LNX1: variants seen among roughly 807,000 people sequenced by gnomAD.
LNX1 encodes E3 ubiquitin-protein ligase LNX.
LNX1 carries 54 observed loss-of-function variants against 68.4 expected under a neutral mutation model. That is an observed-to-expected ratio of 0.79 (90% CI 0.63 to 0.99). LNX1 has a LOEUF of 0.99. Ranked by LOEUF, LNX1 falls within the 50% of genes least tolerant of loss-of-function variation. The probability of loss-of-function intolerance (pLI) is 0.00; values close to 1 mark genes in which losing one functional copy is unlikely to be tolerated. For synonymous variants in LNX1, 336 were observed against 350.0 expected (o/e 0.96, Z 0.45); for missense variants, 906 against 926.4 (o/e 0.98, Z 0.29).
At position 53,498,653 on chromosome 4, in the gene LNX1, G is replaced by A; in HGVS notation, c.966C>T (p.Asp322=). 2 of 1,613,668 alleles carry A rather than the reference G, an allele frequency of 1.2e-6. No individual in the cohort carries two copies. The highest frequency in any genetic ancestry group is 3.3e-4 in the Middle Eastern group (2 of 6,060). The part of the protein sequence containing the change: ...IARDGRLLPG[D]IILKVNGMDI... ...CCACAGTCTCTACCTTTAGAATGAT[G>A]TCTCCTGGCAGTAGCCGGCCGTCTC... The change falls in exon 5 of 11, where the codon GAC becomes GAT. Residue 322 remains aspartate (D), a synonymous_variant. Transcript: ENST00000263925.
intron 1 of LNX1, among the ~76,000 whole-genome samples, chr4:53,582,280 A>C (rs534826043): frequency 6.6e-6 from 1 of 152,314 alleles, no homozygotes; most frequent in South Asian, 2.1e-4. Flanking sequence ...GCTTCAGCTG[A>C]TTGTTACACT....
At chr4:53,514,548 C>T (rs1726605205) in intron 2 of LNX1, among the ~76,000 whole-genome samples, 1 of 152,134 alleles carries the variant, frequency 6.6e-6, no homozygotes, top group South Asian at 2.1e-4. Context: ...TTATTCACTA[C>T]CATGAGAACA....
Position 53,591,458 on chromosome 4 carries a change from C to T in LNX1, c.-157G>A. 1.0e-6 allele frequency: 1 copy of T among 985,690 alleles called. No individual in the cohort carries two copies. The highest frequency in any genetic ancestry group is 1.7e-5 in the African/African-American group (1 of 57,328). 61.1% of individuals were successfully genotyped at this position (985,690 alleles called of 1,614,324 possible). ...CAGCTCTCATTCCTTGTGGGTGAACCGAGCAGCTCCTTGGGCCGCCGGAGT... is the reference window on the plus strand; with the variant it reads ...CAGCTCTCATTCCTTGTGGGTGAACTGAGCAGCTCCTTGGGCCGCCGGAGT... On this transcript the variant is annotated 5_prime_UTR_variant, in exon 1 of 11. Coordinates refer to ENST00000263925, the MANE Select transcript of LNX1 (RefSeq NM_001126328.3).
rs376503033 is a variant in LNX1 at position 53,496,204 on chromosome 4, T to C, written c.1169A>G (p.Glu390Gly). ...CACCAGTTTTATTCCAAGCTGCTCC[T>C]CGGGGCTACTTTTGTTGAGAATCAC... ...FHVILNKSSP[E>G]EQLGIKLVRK... is the part of the protein sequence containing the mutation. The change falls in exon 6 of 11, where the codon GAG becomes GGG. Residue 390 changes from glutamate to glycine, a missense_variant. Physicochemically the swap from Glu to Gly is moderately conservative, Grantham distance 98. Coordinates refer to ENST00000263925, the MANE Select transcript of LNX1 (RefSeq NM_001126328.3). The C allele has an allele frequency of 2.5e-6, 4 of 1,614,024 alleles. No homozygotes were observed. In the African/African-American group the frequency reaches 5.3e-5, roughly 22 times the overall value.
At chr4:53,647,270 A>C (rs1394664659) in intron 1 of LNX1, among the ~76,000 whole-genome samples, 1 of 152,212 alleles carries the variant, frequency 6.6e-6, no homozygotes, top group African/African-American at 2.4e-5. Context: ...TGTTTTAGTA[A>C]TGTGCATACA....
chr4:53,460,865 C>CTATATT lies in LNX1; in HGVS notation c.*41_*42insAATATA. 1 of 1,553,204 alleles carries CTATATT rather than the reference C, an allele frequency of 6.4e-7. No individual in the cohort carries two copies. The highest frequency in any genetic ancestry group is 8.8e-7 in the Non-Finnish European group (1 of 1,139,866). On this transcript the variant is annotated 3_prime_UTR_variant, in exon 11 of 11. Transcript: ENST00000263925. ...AAATATAGTGTTTCAACTTCTTAGC[C>CTATATT]TATTTGTGATTTTTCTGTTTTCCTC... is the stretch of plus-strand genomic sequence containing the variant.
chr4:53,589,369 T>G (rs1462821392), intron 1 of LNX1, among the ~76,000 whole-genome samples: 1 of 152,220 alleles, frequency 6.6e-6, no homozygotes, highest in Non-Finnish European at 1.5e-5. Context: ...CTGTTAACAT[T>G]GCAGTTAATT....
At position 53,485,634 on chromosome 4, in the gene LNX1, C is replaced by CTTTG. The variant is rs141473202; in HGVS notation, c.1351-3784_1351-3781dup. On this transcript the variant is annotated intron_variant, in intron 6 of 10. Transcript: ENST00000263925. ...ACCTTGTAAATTGCTCACAGGAAGA[C>CTTTG]TTTGATGTACTTTTGTGGTGTTTGA... is the stretch of plus-strand genomic sequence containing the variant. Among the ~76,000 whole-genome samples the CTTTG allele has an allele frequency of 9.7e-3, 1,477 of 152,314 alleles. 21 individuals carry two copies. Among genetic ancestry groups the CTTTG allele is most frequent in the African/African-American group, 0.034 (1,415 of 41,570 alleles).
chr4:53,476,374 C>T (rs1473388182), intron 9 of LNX1, among the ~76,000 whole-genome samples: 2 of 152,100 alleles, frequency 1.3e-5, no homozygotes, highest in Admixed American at 6.5e-5. Context: ...GCAGATTAGG[C>T]GAAGGTGAAC....
intron 1 of LNX1, among the ~76,000 whole-genome samples, chr4:53,588,559 A>G (rs1732313013): frequency 6.6e-6 from 1 of 152,002 alleles, no homozygotes; most frequent in African/African-American, 2.4e-5. Context: ...TAAGATTGAT[A>G]TTTTCTAGTG....
chr4:53,570,161 T>G (rs1366799507), intron 2 of LNX1, among the ~76,000 whole-genome samples: 5 of 142,018 alleles, frequency 3.5e-5, no homozygotes, highest in Non-Finnish European at 6.1e-5. Context: ...ATCCCATTAC[T>G]GGGTATATAC....
intron 4 of LNX1, among the ~76,000 whole-genome samples, chr4:53,505,201 A>G (rs191455703): frequency 6.6e-6 from 1 of 152,304 alleles, no homozygotes; most frequent in Admixed American, 6.5e-5. Context: ...GGTGCCTTAC[A>G]TATAATAATC....
In LNX1 at chr4:53,567,655, C is replaced by T. The variant is rs1050538160; in HGVS notation, c.380+5968G>A. On this transcript the variant is annotated intron_variant, in intron 2 of 10. Coordinates refer to ENST00000263925, the MANE Select transcript of LNX1 (RefSeq NM_001126328.3). Reference sequence around the variant, plus strand: ...AGAAATAACTAAAATCAGAGCAGAACTGAAGGAAATAGAGACACAAAAAAC... The same window carrying T: ...AGAAATAACTAAAATCAGAGCAGAATTGAAGGAAATAGAGACACAAAAAAC... 2.6e-5 allele frequency among the ~76,000 whole-genome samples: 4 copies of T among 152,010 alleles called. 1 individual carries two copies. The highest frequency in any genetic ancestry group is 9.7e-5 in the African/African-American group (4 of 41,372).
rs138053326 is a variant in LNX1, at chr4:53,636,552, G to A, written c.-215+15616C>T. Reference sequence around the variant, plus strand: ...TCAGGTCCTTGAACCATAAAATGGAGATGATAATGCCCATATTGTGGTGTG... The same window carrying A: ...TCAGGTCCTTGAACCATAAAATGGAAATGATAATGCCCATATTGTGGTGTG... On this transcript the variant is annotated intron_variant, in intron 1 of 2. Transcript: ENST00000507168. Among the ~76,000 whole-genome samples the A allele has an allele frequency of 4.5e-3, 682 of 152,238 alleles. 10 individuals carry two copies. Among genetic ancestry groups the A allele is most frequent in the African/African-American group, 0.015 (634 of 41,530 alleles).
At chr4:53,558,024 A>C (rs1577711290) in intron 2 of LNX1, 3 of 1,605,962 alleles carry the variant, frequency 1.9e-6, no homozygotes, top group South Asian at 2.2e-5. Flanking sequence ...AAGGGCCCAA[A>C]CCAGCCAAGC....
intron 2 of LNX1, among the ~76,000 whole-genome samples, chr4:53,564,897 G>C (rs1227376683): frequency 1.3e-5 from 2 of 152,144 alleles, no homozygotes; most frequent in Non-Finnish European, 1.5e-5. Flanking sequence ...AGACAGCACC[G>C]GGAAAATCAG....
intron 1 of LNX1, among the ~76,000 whole-genome samples, chr4:53,647,490 G>C (rs929646559): frequency 7.3e-5 from 11 of 151,690 alleles, no homozygotes; most frequent in Non-Finnish European, 1.6e-4. Context: ...CTAACCAAGA[G>C]ATATTTTTCT....
chr4:53,557,809 C>A, intron 2 of LNX1: 1 of 1,592,742 alleles, frequency 6.3e-7, no homozygotes, highest in Non-Finnish European at 8.6e-7. Flanking sequence ...AGGGAATGGA[C>A]TCGGGTCCCA....
chr4:53,641,948 C>A (rs1413281359), intron 1 of LNX1, among the ~76,000 whole-genome samples: 2 of 152,056 alleles, frequency 1.3e-5, no homozygotes, highest in Non-Finnish European at 2.9e-5. Context: ...TGGGTTGTTT[C>A]CAGTCTGAGG....
Sources: allele counts gnomAD v4.1 joint callset (sites outside exome capture counted in the v4.1 genomes callset), GRCh38; gene constraint gnomAD v4.1.1; transcripts MANE v1.5; gene names NCBI Gene and HGNC (gene_info 2026-07-23, HGNC 2026-07-21).